The following GALNT10 variants were observed in gnomAD, a reference collection of about 807,000 sequenced individuals.
GALNT10 encodes polypeptide N-acetylgalactosaminyltransferase 10.
Under a neutral mutation model 75.0 loss-of-function variants are expected in GALNT10, and 41 were observed. That is an observed-to-expected ratio of 0.55 (90% CI 0.43 to 0.71). GALNT10 has a LOEUF of 0.71. Among genes scored for constraint, GALNT10 ranks in the 30% least tolerant of loss-of-function variants. The pLI is 0.00. For synonymous variants in GALNT10, 302 were observed against 313.0 expected, an observed-to-expected ratio of 0.96 and a Z score of 0.37; for missense variants, 727 against 818.5, an observed-to-expected ratio of 0.89 and a Z score of 1.36.
intron 7 of GALNT10, 56 bp from the exon 8 acceptor site, chr5:154,404,048 G>C (rs771627473): frequency 1.5e-6 from 2 of 1,361,104 alleles, no homozygotes; most frequent in Non-Finnish European, 2.1e-6. Flanking sequence ...CTGGCCTGGC[G>C]GGATGGTGAA....
chr5:154,323,717 G>T (rs1754711306), intron 3 of GALNT10, among the ~76,000 whole-genome samples: 1 of 152,196 alleles, frequency 6.6e-6, no homozygotes, highest in Non-Finnish European at 1.5e-5. Flanking sequence ...TCGCCTCATT[G>T]AGCCTCCCTC....
At chr5:154,406,446 C>T (rs191701781) in intron 8 of GALNT10, among the ~76,000 whole-genome samples, 24 of 152,272 alleles carry the variant, frequency 1.6e-4, no homozygotes, top group African/African-American at 4.8e-4. Context: ...GAATCAGGTG[C>T]GGCCTTTTAT....
Position 154,220,757 on chromosome 5 carries a change from A to T in GALNT10, c.159+29732A>T, listed in dbSNP as rs1318540526. Among the ~76,000 whole-genome samples the T allele has an allele frequency of 8.2e-5, 8 of 97,256 alleles. No individual in the cohort carries two copies. The South Asian group carries it at 2.2e-3, about 27-fold the overall frequency. The allele number at this position is 97,256 out of a possible 152,430, so 63.8% of individuals were successfully genotyped here. ...TCCTGGGTGAGGAGTGGTCTGGACT[A>T]GAAGAAGTCCAGGTACCTTTCTGAC... On this transcript the variant is annotated intron_variant, in intron 1 of 11. Transcript: ENST00000297107.
chr5:154,290,145 G>T (rs1240282293), intron 1 of GALNT10, among the ~76,000 whole-genome samples: 1 of 149,408 alleles, frequency 6.7e-6, no homozygotes, highest in African/African-American at 2.5e-5. Flanking sequence ...AGGCTGGAGT[G>T]CAGTTGCACA....
chr5:154,264,334 ATTT>A (rs1561644503), intron 1 of GALNT10, among the ~76,000 whole-genome samples: 1 of 144,346 alleles, frequency 6.9e-6, no homozygotes, highest in African/African-American at 2.7e-5. Flanking sequence ...AAAAAAAGTG[ATTT>A]GGGGGACAAT....
chr5:154,358,787 G>C (rs946635463), intron 4 of GALNT10, among the ~76,000 whole-genome samples: 1 of 152,180 alleles, frequency 6.6e-6, no homozygotes, highest in South Asian at 2.1e-4. Flanking sequence ...GGGCAGGAAA[G>C]TGACCTTTGT....
chr5:154,345,161 G>A, intron 4 of GALNT10, among the ~76,000 whole-genome samples: 1 of 151,954 alleles, frequency 6.6e-6, no homozygotes, highest in South Asian at 2.1e-4. Flanking sequence ...CCCCACATAT[G>A]ATTGAGGGAT....
chr5:154,376,417 G>A lies in GALNT10; in HGVS notation c.709G>A (p.Asp237Asn). 1 of 1,599,790 alleles carries A rather than the reference G, an allele frequency of 6.3e-7. No individual in the cohort carries two copies. Among genetic ancestry groups the A allele is most frequent in the Non-Finnish European group, 8.5e-7 (1 of 1,174,968 alleles). ...VATGDVITFLDSHCEANVNWL... is the reference protein window; with the variant it reads ...VATGDVITFLNSHCEANVNWL... ...AACTGGGGATGTCATCACATTCTTG[G>A]ATTCACACTGTGAAGCCAATGTCAA... The change falls in exon 5 of 12, where the codon GAT becomes AAT. Residue 237 changes from aspartate (D) to asparagine (N), a missense_variant. Asp to Asn is a conservative substitution (Grantham distance 23). Coordinates refer to ENST00000297107, the MANE Select transcript of GALNT10 (RefSeq NM_198321.4). This position sits in a 1 kb window ranked among gnomAD's most constrained non-coding sequence, Gnocchi z 4.1.
Position 154,315,750 on chromosome 5 carries a change from G to A in GALNT10, c.402-13822G>A, listed in dbSNP as rs185710478. ...GACTCCTTCTTCAGCCAGGGCTGTG[G>A]GCTTGGTCATTTCTGTCAGAAGGGA... On this transcript the variant is annotated intron_variant, in intron 3 of 11. Coordinates refer to ENST00000297107, the MANE Select transcript of GALNT10 (RefSeq NM_198321.4). Among the ~76,000 whole-genome samples, 665 of 152,306 alleles carry A rather than the reference G, an allele frequency of 4.4e-3. 1 individual carries two copies. Among genetic ancestry groups the A allele is most frequent in the Non-Finnish European group, 6.5e-3 (445 of 68,018 alleles).
intron 1 of GALNT10, among the ~76,000 whole-genome samples, chr5:154,249,213 T>C (rs905151034): frequency 1.3e-5 from 2 of 152,220 alleles, no homozygotes; most frequent in African/African-American, 4.8e-5. Context: ...CTGGCCCCCA[T>C]GCCCAAAGTT....
intron 1 of GALNT10, among the ~76,000 whole-genome samples, chr5:154,248,526 G>T (rs914268016): frequency 6.6e-6 from 1 of 152,098 alleles, no homozygotes; most frequent in African/African-American, 2.4e-5. Flanking sequence ...ACTTCTTCCT[G>T]GTTTAGTCTT....
chr5:154,224,106 T>C (rs1753025820), intron 1 of GALNT10, among the ~76,000 whole-genome samples: 1 of 152,210 alleles, frequency 6.6e-6, no homozygotes, highest in Non-Finnish European at 1.5e-5. Flanking sequence ...GCTTAGAAGT[T>C]TGAATTTGAT....
intron 1 of GALNT10, among the ~76,000 whole-genome samples, chr5:154,294,467 A>G (rs915331539): frequency 4.6e-5 from 7 of 152,220 alleles, no homozygotes; most frequent in African/African-American, 1.7e-4. Flanking sequence ...TTAAATGTGG[A>G]TACTGGAAAA....
At chr5:154,210,735 G>C (rs1775183878) in intron 1 of GALNT10, among the ~76,000 whole-genome samples, 2 of 152,144 alleles carry the variant, frequency 1.3e-5, no homozygotes, top group African/African-American at 4.8e-5. Context: ...ATTAGATCCT[G>C]AACCAGAAAA....
At chr5:154,191,096 C>T in intron 1 of GALNT10, 71 bp downstream of exon 1, 1 of 1,052,180 alleles carries the variant, frequency 9.5e-7, no homozygotes, top group Non-Finnish European at 1.3e-6. Flanking sequence ...TGGTTCCTTC[C>T]TCCACCTTCT....
intron 7 of GALNT10, chr5:154,392,845 T>C (rs777132215): frequency 9.2e-5 from 14 of 152,056 alleles, no homozygotes; most frequent in Non-Finnish European, 1.8e-4. Context: ...GCAAAATCCA[T>C]TACATTTCAG....
intron 1 of GALNT10, among the ~76,000 whole-genome samples, chr5:154,261,397 G>A (rs1753696672): frequency 1.3e-5 from 2 of 152,288 alleles, no homozygotes; most frequent in Non-Finnish European, 2.9e-5. Context: ...CAAAGACCTC[G>A]GGGGTGTTAC....
At chr5:154,239,279 T>C (rs1174261473) in intron 1 of GALNT10, among the ~76,000 whole-genome samples, 1 of 152,228 alleles carries the variant, frequency 6.6e-6, no homozygotes, top group Non-Finnish European at 1.5e-5. Flanking sequence ...TCTGCCTACC[T>C]GTCCTTCTGT....
intron 3 of GALNT10, among the ~76,000 whole-genome samples, chr5:154,306,863 C>T (rs979318998): frequency 6.6e-6 from 1 of 152,180 alleles, no homozygotes; most frequent in East Asian, 1.9e-4. Flanking sequence ...AGTAGACTCT[C>T]ACAGCACTGT....
Sources: gnomAD v4.1 joint callset for allele counts (sites outside exome capture counted in the v4.1 genomes callset) on GRCh38, gnomAD v4.1.1 for gene constraint, Gnocchi (gnomAD v3.1) non-coding constraint, MANE v1.5 for transcripts, NCBI Gene and HGNC (gene_info 2026-07-23, HGNC 2026-07-21) for gene names.